The following HEXIM1 variants were observed in gnomAD, a reference collection of about 807,000 sequenced individuals.
HEXIM1 encodes the protein protein HEXIM1.
HEXIM1 carries 1 observed loss-of-function variant against 30.3 expected under a neutral mutation model. The observed-to-expected ratio is 0.03, with a 90% confidence interval of 0.01 to 0.16. HEXIM1 has a LOEUF of 0.16. Among genes scored for constraint, HEXIM1 ranks in the 10% least tolerant of loss-of-function variants. HEXIM1 has a pLI of 1.00. For missense variants in HEXIM1, 391 were observed against 476.4 expected (o/e 0.82, Z 1.67); for synonymous variants, 245 against 208.3 (o/e 1.18, Z -1.52).
In HEXIM1 at chr17:45,150,312, C is replaced by T. The variant is rs775160333; in HGVS notation, c.*42C>T. ...GGGAGGGGGCAAAGGGGACTTTTTA[C>T]AGTGATGGAATGTAACATTATATAC... On this transcript the variant is annotated 3_prime_UTR_variant, in exon 1 of 1. Transcript: ENST00000332499. 5 of 1,589,092 alleles carry T rather than the reference C, an allele frequency of 3.1e-6. No individual in the cohort carries two copies. In the Admixed American group the frequency reaches 5.2e-5, roughly 16 times the overall value.
rs1020956304 is a variant in HEXIM1 at position 45,148,485 on chromosome 17, A to T, written c.-706A>T. The T allele has an allele frequency of 3.7e-5, 14 of 379,604 alleles. No individual in the cohort carries two copies. Among genetic ancestry groups the T allele is most frequent in the African/African-American group, 2.8e-4 (13 of 46,926 alleles). 23.5% of individuals were successfully genotyped at this position (379,604 alleles called of 1,614,324 possible). On this transcript the variant is annotated 5_prime_UTR_variant, in exon 1 of 1. The change creates a new upstream start codon in the 5' untranslated region. Coordinates refer to ENST00000332499, the MANE Select transcript of HEXIM1 (RefSeq NM_006460.3). Reference sequence around the variant, plus strand: ...AGAGGACTGGGAGACAGCAGTTGGAAGTTGGCAGGTGGAGAGGCAGGTTGG... The same window carrying T: ...AGAGGACTGGGAGACAGCAGTTGGATGTTGGCAGGTGGAGAGGCAGGTTGG...
Position 45,149,930 on chromosome 17 carries a change from A to G in HEXIM1, c.740A>G (p.Glu247Gly). The G allele has an allele frequency of 1.2e-6, 2 of 1,613,800 alleles. No individual in the cohort carries two copies. Among genetic ancestry groups the G allele is most frequent in the Non-Finnish European group, 1.7e-6 (2 of 1,179,986 alleles). The change falls in exon 1 of 1, where the codon GAG becomes GGG. Residue 247 changes from glutamate (E) to glycine (G), a missense_variant. By Grantham distance (98) the Glu-to-Gly change is moderately conservative (BLOSUM62 -2). This residue lies in a region of HEXIM1 where 38 missense variants were observed against 40.0 expected (regional missense o/e 0.95). Coordinates refer to ENST00000332499, the MANE Select transcript of HEXIM1 (RefSeq NM_006460.3). The surrounding 1 kb of genome is among the most constrained non-coding windows in gnomAD (Gnocchi z 5.3). ...SDDDFMEEGG[E>G]EDGGSDGMGG... Reference sequence around the variant, plus strand: ...GACGACTTCATGGAAGAAGGGGGTGAGGAGGATGGGGGCAGCGATGGGATG... The same window carrying G: ...GACGACTTCATGGAAGAAGGGGGTGGGGAGGATGGGGGCAGCGATGGGATG...
Position 45,150,164 on chromosome 17 carries a change from T to G in HEXIM1, c.974T>G (p.Leu325Arg). 6.2e-7 allele frequency: 1 copy of G among 1,613,296 alleles called. No individual in the cohort carries two copies. Among genetic ancestry groups the G allele is most frequent in the Non-Finnish European group, 8.5e-7 (1 of 1,179,982 alleles). The change falls in exon 1 of 1, where the codon CTG becomes CGG. Residue 325 changes from leucine to arginine, a missense_variant. Around this residue, in one of 5 missense-constraint regions of HEXIM1, gnomAD observed 73 missense variants for 80.9 expected, o/e 0.90. Transcript: ENST00000332499. ...GGCGACGACGCGCGTGTGCGGGAGC[T>G]GGAGCTGGAGCTGGACCGGCTGCGC... ...LGGDDARVRE[L>R]ELELDRLRAE...
At position 45,149,440 on chromosome 17, in the gene HEXIM1, T is replaced by C; in HGVS notation, c.250T>C (p.Cys84Arg). The stretch of plus-strand genomic sequence containing the variant: ...GACCCAGGCCTGTCCAGAATCTAGC[T>C]GCCTGAGAGAGGGCGAGAAGGGCCA... ...LQTQACPESS[C>R]LREGEKGQNG... The change falls in exon 1 of 1, where the codon TGC (cysteine) becomes CGC (arginine). Residue 84 changes from cysteine to arginine, a missense_variant. Cys to Arg is a radical substitution (Grantham distance 180). Around this residue, in one of 5 missense-constraint regions of HEXIM1, gnomAD observed 230 missense variants for 199.4 expected, o/e 1.15. Coordinates refer to ENST00000332499, the MANE Select transcript of HEXIM1 (RefSeq NM_006460.3). The surrounding 1 kb of genome is among the most constrained non-coding windows in gnomAD (Gnocchi z 5.3). 1 of 1,613,042 alleles carries C rather than the reference T, an allele frequency of 6.2e-7. No homozygotes were observed. Among genetic ancestry groups the C allele is most frequent in the East Asian group, 2.2e-5 (1 of 44,854 alleles).
rs2055535315 is a variant in HEXIM1, at chr17:45,150,091, A to G, written c.901A>G (p.Met301Val). The G allele has an allele frequency of 6.2e-7, 1 of 1,613,748 alleles. No homozygotes were observed. The stretch of plus-strand genomic sequence containing the variant: ...GGAACTGGAGAAGTGCCTCTCGCGC[A>G]TGGAGGACGAGAACAACCGGCTGCG... ...YLELEKCLSRMEDENNRLRLE... is the reference protein window; with the variant it reads ...YLELEKCLSRVEDENNRLRLE... The change falls in exon 1 of 1, where the codon ATG (methionine) becomes GTG (valine). Residue 301 changes from methionine (M) to valine (V), a missense_variant. By Grantham distance (21) the Met-to-Val change is conservative. Coordinates refer to ENST00000332499, the MANE Select transcript of HEXIM1 (RefSeq NM_006460.3).
In HEXIM1 at chr17:45,149,228, C is replaced by T. The variant is rs758700108; in HGVS notation, c.38C>T (p.Pro13Leu). 1.9e-6 allele frequency: 3 copies of T among 1,613,620 alleles called. No individual in the cohort carries two copies. The highest frequency in any genetic ancestry group is 3.3e-5 in the Admixed American group (2 of 59,996). The stretch of plus-strand genomic sequence containing the variant: ...TTCTTGTCAGAATATCAACACCAGC[C>T]TCAAACTAGCAACTGTACAGGTGCT... ...EPFLSEYQHQ[P>L]QTSNCTGAAA... The change falls in exon 1 of 1, where the codon CCT becomes CTT. Residue 13 changes from proline to leucine, a missense_variant. Physicochemically the swap from Pro to Leu is moderately conservative, Grantham distance 98. Transcript: ENST00000332499. The surrounding 1 kb of genome is among the most constrained non-coding windows in gnomAD (Gnocchi z 5.3).
rs765202046 is a variant in HEXIM1 at position 45,149,577 on chromosome 17, G to T, written c.387G>T (p.Lys129Asn). The T allele has an allele frequency of 5.0e-6, 8 of 1,609,774 alleles. No individual in the cohort carries two copies. Among genetic ancestry groups the T allele is most frequent in the Non-Finnish European group, 6.8e-6 (8 of 1,178,322 alleles). The change falls in exon 1 of 1, where the codon AAG becomes AAT. Residue 129 changes from lysine (K) to asparagine (N), a missense_variant. Around this residue, in one of 5 missense-constraint regions of HEXIM1, gnomAD observed 230 missense variants for 199.4 expected, o/e 1.15. Coordinates refer to ENST00000332499, the MANE Select transcript of HEXIM1 (RefSeq NM_006460.3). The surrounding 1 kb of genome is among the most constrained non-coding windows in gnomAD (Gnocchi z 5.3). ...CTTGTCATGACTCCGAGGCCAGTAA[G>T]TTGGGGGCTCCTGCCGCAGGGGGCG... ...AQPCHDSEAS[K>N]LGAPAAGGEE... is the part of the protein sequence containing the mutation.
chr17:45,148,483 G>C lies in HEXIM1; in HGVS notation c.-708G>C, dbSNP rs774414101. The C allele has an allele frequency of 3.5e-5, 14 of 396,926 alleles. No homozygotes were observed. Among genetic ancestry groups the C allele is most frequent in the Non-Finnish European group, 2.2e-5 (5 of 225,316 alleles). The allele number at this position is 396,926 out of a possible 1,614,324, so 24.6% of individuals were successfully genotyped here. A position where few individuals can be genotyped will look rare whatever the true frequency, so the allele number is the denominator to read the frequency against. ...GCAGAGGACTGGGAGACAGCAGTTG[G>C]AAGTTGGCAGGTGGAGAGGCAGGTT... On this transcript the variant is annotated 5_prime_UTR_variant, in exon 1 of 1. Coordinates refer to ENST00000332499, the MANE Select transcript of HEXIM1 (RefSeq NM_006460.3).
rs1300533341 is a variant in HEXIM1, at chr17:45,149,010, G to A, written c.-181G>A. 1.6e-5 allele frequency: 10 copies of A among 623,782 alleles called. No individual in the cohort carries two copies. The highest frequency in any genetic ancestry group is 2.7e-5 in the Non-Finnish European group (10 of 374,638). The allele number at this position is 623,782 out of a possible 1,614,324, so 38.6% of individuals were successfully genotyped here. On this transcript the variant is annotated 5_prime_UTR_variant, in exon 1 of 1. Coordinates refer to ENST00000332499, the MANE Select transcript of HEXIM1 (RefSeq NM_006460.3). The surrounding 1 kb of genome is among the most constrained non-coding windows in gnomAD (Gnocchi z 5.3). ...ACCCTTTACTGACTTGAGCTCCCCA[G>A]ATTGCAGTTGGAGTTTGCTGATAGA...
At position 45,149,280 on chromosome 17, in the gene HEXIM1, T is replaced by C; in HGVS notation, c.90T>C (p.Pro30=). The C allele has an allele frequency of 6.2e-7, 1 of 1,613,762 alleles. No homozygotes were observed. Among genetic ancestry groups the C allele is most frequent in the Non-Finnish European group, 8.5e-7 (1 of 1,180,024 alleles). Reference sequence around the variant, plus strand: ...CTGCTGTCCAGGAAGAGCTGAACCCTGAGCGCCCCCCAGGCGCGGAGGAGC... The same window carrying C: ...CTGCTGTCCAGGAAGAGCTGAACCCCGAGCGCCCCCCAGGCGCGGAGGAGC... ...GAAAVQEELN[P]ERPPGAEERV... The change falls in exon 1 of 1, where the codon CCT becomes CCC. Residue 30 remains proline (P), a synonymous_variant. Transcript: ENST00000332499. The surrounding 1 kb of genome is among the most constrained non-coding windows in gnomAD (Gnocchi z 5.3).
chr17:45,149,833 CAGG>C lies in HEXIM1; in HGVS notation c.649_651del (p.Glu217del), dbSNP rs1329247661. The C allele has an allele frequency of 6.2e-7, 1 of 1,613,566 alleles. No homozygotes were observed. The highest frequency in any genetic ancestry group is 8.5e-7 in the Non-Finnish European group (1 of 1,180,028). Reference sequence around the variant, plus strand: ...GCAGTTCCTCATGGATGATCACGACCAGGAGGAGCCGGATCTCAAAACCGGCCT... The same window carrying C: ...GCAGTTCCTCATGGATGATCACGACCAGGAGCCGGATCTCAAAACCGGCCT... On this transcript the variant is annotated inframe_deletion, in exon 1 of 1. Coordinates refer to ENST00000332499, the MANE Select transcript of HEXIM1 (RefSeq NM_006460.3). This position sits in a 1 kb window ranked among gnomAD's most constrained non-coding sequence, Gnocchi z 5.3.
rs1299351333 is a variant in HEXIM1 at position 45,149,152 on chromosome 17, C to T, written c.-39C>T. On this transcript the variant is annotated 5_prime_UTR_variant, in exon 1 of 1. Coordinates refer to ENST00000332499, the MANE Select transcript of HEXIM1 (RefSeq NM_006460.3). This position sits in a 1 kb window ranked among gnomAD's most constrained non-coding sequence, Gnocchi z 5.3. ...ACCCATTTTTTTCCTTAAGGACTTA[C>T]TAGCCAAAATTTCTTAAACTTCGAG... 5.3e-6 allele frequency: 8 copies of T among 1,495,660 alleles called. No individual in the cohort carries two copies. The highest frequency in any genetic ancestry group is 2.2e-5 in the Admixed American group (1 of 44,684). The allele number at this position is 1,495,660 out of a possible 1,614,324, so 92.6% of individuals were successfully genotyped here. A position where few individuals can be genotyped will look rare whatever the true frequency, so the allele number is the denominator to read the frequency against.
chr17:45,150,092 T>A lies in HEXIM1; in HGVS notation c.902T>A (p.Met301Lys). The change falls in exon 1 of 1, where the codon ATG (methionine) becomes AAG (lysine). Residue 301 changes from methionine (M) to lysine (K), a missense_variant. Around this residue, in one of 5 missense-constraint regions of HEXIM1, gnomAD observed 73 missense variants for 80.9 expected, o/e 0.90. Coordinates refer to ENST00000332499, the MANE Select transcript of HEXIM1 (RefSeq NM_006460.3). ...GAACTGGAGAAGTGCCTCTCGCGCA[T>A]GGAGGACGAGAACAACCGGCTGCGG... ...YLELEKCLSR[M>K]EDENNRLRLE... is the part of the protein sequence containing the mutation. 1 of 1,613,718 alleles carries A rather than the reference T, an allele frequency of 6.2e-7. No individual in the cohort carries two copies. Among genetic ancestry groups the A allele is most frequent in the Non-Finnish European group, 8.5e-7 (1 of 1,179,984 alleles).
At position 45,151,158 on chromosome 17, in the gene HEXIM1, T is replaced by C. The variant is rs2055545451; in HGVS notation, c.*888T>C. On this transcript the variant is annotated 3_prime_UTR_variant, in exon 1 of 1. Coordinates refer to ENST00000332499, the MANE Select transcript of HEXIM1 (RefSeq NM_006460.3). ...TGGAAGAGGCTCTTGGCAAACTTCT[T>C]AGTGCAAGCAATGGTTAGATTAATT... is the stretch of plus-strand genomic sequence containing the variant. The C allele has an allele frequency of 6.0e-6, 1 of 167,070 alleles. No individual in the cohort carries two copies. The highest frequency in any genetic ancestry group is 2.1e-4 in the South Asian group (1 of 4,832). The allele number at this position is 167,070 out of a possible 1,614,324, so 10.3% of individuals were successfully genotyped here.
Position 45,150,991 on chromosome 17 carries a change from T to G in HEXIM1, c.*721T>G, listed in dbSNP as rs1430422938. The G allele has an allele frequency of 6.0e-6, 1 of 167,030 alleles. No individual in the cohort carries two copies. Among genetic ancestry groups the G allele is most frequent in the Non-Finnish European group, 1.5e-5 (1 of 68,122 alleles). The allele number at this position is 167,030 out of a possible 1,614,324, so 10.3% of individuals were successfully genotyped here. ...GTGGCTACAATCCAAAATTTTAAAT[T>G]TAACTCTGCCTCGGCCATTCAAAAG... On this transcript the variant is annotated 3_prime_UTR_variant, in exon 1 of 1. Coordinates refer to ENST00000332499, the MANE Select transcript of HEXIM1 (RefSeq NM_006460.3).
chr17:45,150,229 C>A lies in HEXIM1; in HGVS notation c.1039C>A (p.Arg347=), dbSNP rs368302641. 2.5e-6 allele frequency: 4 copies of A among 1,610,492 alleles called. No individual in the cohort carries two copies. The highest frequency in any genetic ancestry group is 2.5e-6 in the Non-Finnish European group (3 of 1,177,822). ...LQLLTENELH[R]QQERAPLSKF... ...GCTGCTGACCGAGAACGAACTGCACCGGCAGCAGGAGCGAGCGCCGCTTTC... is the reference window on the plus strand; with the variant it reads ...GCTGCTGACCGAGAACGAACTGCACAGGCAGCAGGAGCGAGCGCCGCTTTC... Residue 347 remains arginine (R), a synonymous_variant, in exon 1 of 1, where the codon CGG becomes AGG. Coordinates refer to ENST00000332499, the MANE Select transcript of HEXIM1 (RefSeq NM_006460.3).
At position 45,148,491 on chromosome 17, in the gene HEXIM1, C is replaced by A. The variant is rs894032405; in HGVS notation, c.-700C>A. On this transcript the variant is annotated 5_prime_UTR_variant, in exon 1 of 1. Coordinates refer to ENST00000332499, the MANE Select transcript of HEXIM1 (RefSeq NM_006460.3). ...CTGGGAGACAGCAGTTGGAAGTTGG[C>A]AGGTGGAGAGGCAGGTTGGGAGGGA... The A allele has an allele frequency of 2.5e-5, 10 of 393,668 alleles. No individual in the cohort carries two copies. The highest frequency in any genetic ancestry group is 2.1e-4 in the African/African-American group (10 of 46,550). The allele number at this position is 393,668 out of a possible 1,614,324, so 24.4% of individuals were successfully genotyped here.
In HEXIM1 at chr17:45,149,630, A is replaced by C; in HGVS notation, c.440A>C (p.Gln147Pro). 6.2e-7 allele frequency: 1 copy of C among 1,613,250 alleles called. No individual in the cohort carries two copies. Among genetic ancestry groups the C allele is most frequent in the Non-Finnish European group, 8.5e-7 (1 of 1,179,880 alleles). Residue 147 changes from glutamine (Q) to proline (P), a missense_variant, in exon 1 of 1, where the codon CAG becomes CCG. Physicochemically the swap from Gln to Pro is moderately conservative, Grantham distance 76 (BLOSUM62 -1). Around this residue, in one of 5 missense-constraint regions of HEXIM1, gnomAD observed 230 missense variants for 199.4 expected, o/e 1.15. Transcript: ENST00000332499. This position sits in a 1 kb window ranked among gnomAD's most constrained non-coding sequence, Gnocchi z 5.3. ...GAGGAGTGGGGACAGCAGCAGAGAC[A>C]GCTGGGGAAGAAAAAACATAGGAGA... ...GEEEWGQQQR[Q>P]LGKKKHRRRP... is the part of the protein sequence containing the mutation.
In HEXIM1 at chr17:45,149,417, C is replaced by G. The variant is rs977466725; in HGVS notation, c.227C>G (p.Thr76Ser). ...GAATCCCAACCACCTCCCTTGCAGA[C>G]CCAGGCCTGTCCAGAATCTAGCTGC... is the stretch of plus-strand genomic sequence containing the variant. Reference protein sequence around the residue: ...SLESQPPPLQTQACPESSCLR... With the variant: ...SLESQPPPLQSQACPESSCLR... The change falls in exon 1 of 1, where the codon ACC (threonine) becomes AGC (serine). Residue 76 changes from threonine (T) to serine (S), a missense_variant. By Grantham distance (58) the Thr-to-Ser change is moderately conservative. Around this residue, in one of 5 missense-constraint regions of HEXIM1, gnomAD observed 230 missense variants for 199.4 expected, o/e 1.15. Transcript: ENST00000332499. This position sits in a 1 kb window ranked among gnomAD's most constrained non-coding sequence, Gnocchi z 5.3. The G allele has an allele frequency of 6.2e-7, 1 of 1,613,282 alleles. No individual in the cohort carries two copies. The highest frequency in any genetic ancestry group is 8.5e-7 in the Non-Finnish European group (1 of 1,179,944).
Sources: allele counts gnomAD v4.1 joint callset, GRCh38; gene constraint gnomAD v4.1.1; regional missense constraint gnomAD v4.1.1; non-coding constraint Gnocchi (gnomAD v3.1); transcripts MANE v1.5; gene names NCBI Gene and HGNC (gene_info 2026-07-23, HGNC 2026-07-21).